Variants in KCNMB2 observed in about 807,000 individuals in gnomAD.
The protein encoded by KCNMB2 is calcium-activated potassium channel subunit beta-2.
In KCNMB2, 9 loss-of-function variants were observed where a neutral mutation model predicts 24.5. That is an observed-to-expected ratio of 0.37 (90% CI 0.22 to 0.64). KCNMB2 has a LOEUF of 0.64. KCNMB2 is among the 30% of genes least tolerant of loss of function. KCNMB2 has a pLI of 0.63. For synonymous variants in KCNMB2, 109 were observed against 104.4 expected (o/e 1.04, Z -0.27); for missense variants, 226 against 284.3 (o/e 0.79, Z 1.47).
intron 1 of KCNMB2, among the ~76,000 whole-genome samples, chr3:178,775,241 T>C (rs552731489): frequency 8.5e-5 from 13 of 152,338 alleles, no homozygotes; most frequent in Non-Finnish European, 1.6e-4. Flanking sequence ...AAACACTTGA[T>C]TTCTTTTAAG....
At chr3:178,675,971 C>G (rs773393318) in intron 1 of KCNMB2, among the ~76,000 whole-genome samples, 12 of 152,154 alleles carry the variant, frequency 7.9e-5, no homozygotes, top group Non-Finnish European at 1.6e-4. Flanking sequence ...TACTTATTAC[C>G]CGCACTCTGA....
At chr3:178,550,822 T>C (rs926012909) in intron 1 of KCNMB2, among the ~76,000 whole-genome samples, 3 of 152,214 alleles carry the variant, frequency 2.0e-5, no homozygotes, top group Admixed American at 6.5e-5. Flanking sequence ...AGGGCTTTTG[T>C]ATAAGTTAAA....
chr3:178,589,458 G>T (rs1369264333), intron 1 of KCNMB2, among the ~76,000 whole-genome samples: 1 of 152,006 alleles, frequency 6.6e-6, no homozygotes, highest in African/African-American at 2.4e-5. Flanking sequence ...TGGGGGGAGG[G>T]GGAGGTTGTG....
At chr3:178,790,715 G>C (rs1407391529) in intron 1 of KCNMB2, among the ~76,000 whole-genome samples, 1 of 152,190 alleles carries the variant, frequency 6.6e-6, no homozygotes, top group African/African-American at 2.4e-5. Context: ...GGCCACAGAG[G>C]TGCTTGTGTC....
At chr3:178,784,541 A>G (rs1017514091) in intron 1 of KCNMB2, among the ~76,000 whole-genome samples, 3 of 152,154 alleles carry the variant, frequency 2.0e-5, no homozygotes, top group Non-Finnish European at 4.4e-5. Context: ...CTTGGCACCC[A>G]AGTCATCCTA....
At chr3:178,665,980 G>T (rs980592290) in intron 1 of KCNMB2, among the ~76,000 whole-genome samples, 3 of 152,148 alleles carry the variant, frequency 2.0e-5, no homozygotes, top group African/African-American at 7.2e-5. Flanking sequence ...ATGCTGATAA[G>T]TATGTATGAT....
chr3:178,804,753 A>G (rs188404587), intron 1 of KCNMB2, among the ~76,000 whole-genome samples: 1 of 152,360 alleles, frequency 6.6e-6, no homozygotes, highest in East Asian at 1.9e-4. Context: ...GGAACAGGAC[A>G]GCACTCAGGA....
chr3:178,582,208 T>C (rs1369398659), intron 1 of KCNMB2, among the ~76,000 whole-genome samples: 2 of 152,238 alleles, frequency 1.3e-5, no homozygotes, highest in Admixed American at 6.5e-5. Context: ...TCATGTCCTT[T>C]GCTGGGACAT....
At chr3:178,593,620 A>G (rs1717759811) in intron 1 of KCNMB2, among the ~76,000 whole-genome samples, 1 of 151,800 alleles carries the variant, frequency 6.6e-6, no homozygotes, top group Non-Finnish European at 1.5e-5. Flanking sequence ...TTGTTGACCA[A>G]TAGTTATTTA....
intron 4 of KCNMB2, among the ~76,000 whole-genome samples, chr3:178,839,509 T>C (rs926026612): frequency 6.6e-6 from 1 of 152,090 alleles, no homozygotes; most frequent in Middle Eastern, 3.2e-3. Flanking sequence ...TATTAATCTG[T>C]TTTCACACTG....
At chr3:178,592,048 T>C (rs924334279) in intron 1 of KCNMB2, among the ~76,000 whole-genome samples, 3 of 152,172 alleles carry the variant, frequency 2.0e-5, no homozygotes, top group Non-Finnish European at 4.4e-5. Flanking sequence ...ATAACCCAGT[T>C]CAAGTTTGTA....
chr3:178,663,343 A>G (rs1246010720), intron 1 of KCNMB2, among the ~76,000 whole-genome samples: 2 of 152,170 alleles, frequency 1.3e-5, no homozygotes, highest in Admixed American at 6.6e-5. Flanking sequence ...GTTACCCAGA[A>G]TATAAAAGTG....
At chr3:178,816,730 C>T (rs1409634180) in intron 2 of KCNMB2, among the ~76,000 whole-genome samples, 1 of 151,990 alleles carries the variant, frequency 6.6e-6, no homozygotes, top group Non-Finnish European at 1.5e-5. Flanking sequence ...TATTCTATGA[C>T]CCATGAGTTC....
intron 1 of KCNMB2, among the ~76,000 whole-genome samples, chr3:178,710,706 A>G (rs1262817076): frequency 6.6e-6 from 1 of 152,168 alleles, no homozygotes; most frequent in Non-Finnish European, 1.5e-5. Context: ...GATGAAAGCC[A>G]TTTAAAACAT....
intron 1 of KCNMB2, among the ~76,000 whole-genome samples, chr3:178,612,201 C>G (rs1295585455): frequency 6.6e-6 from 1 of 152,092 alleles, no homozygotes; most frequent in African/African-American, 2.4e-5. Context: ...GATCTATGTT[C>G]TGAGGAAAAG....
At chr3:178,573,746 C>CAAA (rs11348394) in intron 1 of KCNMB2, among the ~76,000 whole-genome samples, 6 of 78,966 alleles carry the variant, frequency 7.6e-5, no homozygotes, top group East Asian at 3.6e-4. Flanking sequence ...GACCCTGTCT[C>CAAA]AAAAAAAAAA....
intron 1 of KCNMB2, among the ~76,000 whole-genome samples, chr3:178,685,556 G>T (rs1478543166): frequency 2.0e-5 from 3 of 152,106 alleles, no homozygotes; most frequent in African/African-American, 7.2e-5. Flanking sequence ...CATCAACAGT[G>T]GTTCTGTTTT....
intron 1 of KCNMB2, among the ~76,000 whole-genome samples, chr3:178,779,399 G>A (rs557474202): frequency 7.9e-5 from 12 of 152,288 alleles, no homozygotes; most frequent in South Asian, 4.1e-4. Context: ...ATGGATACAC[G>A]TAAACTAGAA....
At chr3:178,812,566 C>T (rs1308028190) in intron 2 of KCNMB2, among the ~76,000 whole-genome samples, 1 of 152,008 alleles carries the variant, frequency 6.6e-6, no homozygotes. Flanking sequence ...TTCAAATAGA[C>T]ATCCTCCTGC....
Sources: allele counts gnomAD v4.1 joint callset (sites outside exome capture counted in the v4.1 genomes callset), GRCh38; gene constraint gnomAD v4.1.1; transcripts MANE v1.5; gene names NCBI Gene and HGNC (gene_info 2026-07-23, HGNC 2026-07-21).